The following PROM1 variants were observed in gnomAD, a reference collection of about 807,000 sequenced individuals.
The protein encoded by PROM1 is prominin-1.
PROM1 carries 105 observed loss-of-function variants against 116.9 expected under a neutral mutation model. The observed-to-expected ratio is 0.90, with a 90% CI of 0.77 to 1.06. The LOEUF is 1.06. Among genes scored for constraint, PROM1 ranks in the 50% least tolerant of loss-of-function variants. The pLI, the probability that PROM1 is intolerant of heterozygous loss-of-function variation, is 0.00. For synonymous variants in PROM1, 393 were observed against 387.0 expected (o/e 1.02, Z -0.18); for missense variants, 1,122 against 1,045.2 (o/e 1.07, Z -1.01).
chr4:15,994,724 T>G (rs1449081528), intron 15 of PROM1, among the ~76,000 whole-genome samples: 1 of 152,226 alleles, frequency 6.6e-6, no homozygotes, highest in Non-Finnish European at 1.5e-5. Flanking sequence ...TAGGCCTCAT[T>G]GGATGTGTAT....
intron 2 of PROM1, among the ~76,000 whole-genome samples, chr4:16,040,442 GA>G (rs1417257410): frequency 6.6e-6 from 1 of 152,248 alleles, no homozygotes; most frequent in African/African-American, 2.4e-5. Flanking sequence ...CTGTTTTACA[GA>G]TCAGGCTTTA....
chr4:15,970,138 T>C (rs1369708818), intron 27 of PROM1, among the ~76,000 whole-genome samples: 2 of 151,764 alleles, frequency 1.3e-5, no homozygotes, highest in Non-Finnish European at 2.9e-5. Context: ...GCTTATTGTT[T>C]TACTCTAAAA....
intron 23 of PROM1, 143 bp downstream of exon 23, chr4:15,984,120 C>T (rs1055547649): frequency 1.0e-5 from 7 of 669,392 alleles, no homozygotes; most frequent in Non-Finnish European, 1.7e-5. Flanking sequence ...CTATTAGCAT[C>T]TCAATACACT....
intron 24 of PROM1, 119 bp downstream of exon 24, chr4:15,980,303 T>TAAAA (rs58036643): frequency 5.9e-5 from 36 of 610,212 alleles, no homozygotes; most frequent in South Asian, 1.2e-4. Context: ...CAACTACTAC[T>TAAAA]AAAAAAAAAA....
At chr4:16,002,452 G>C (rs745488870) in intron 13 of PROM1, among the ~76,000 whole-genome samples, 2 of 152,152 alleles carry the variant, frequency 1.3e-5, no homozygotes, top group Non-Finnish European at 2.9e-5. Context: ...CACTAGGAAG[G>C]AGCCTCAGAA....
chr4:16,041,706 C>T (rs987173510), intron 2 of PROM1, among the ~76,000 whole-genome samples: 1 of 151,060 alleles, frequency 6.6e-6, no homozygotes, highest in Non-Finnish European at 1.5e-5. Context: ...CACAGTTATG[C>T]CACTGCACTC....
intron 13 of PROM1, among the ~76,000 whole-genome samples, chr4:16,005,597 A>G (rs958878965): frequency 6.6e-6 from 1 of 151,854 alleles, no homozygotes; most frequent in Non-Finnish European, 1.5e-5. Flanking sequence ...AAATTAATGT[A>G]CAGCATCTGC....
Position 16,035,744 on chromosome 4 carries a change from T to C in PROM1, c.294A>G (p.Leu98=). Residue 98 remains leucine, a synonymous_variant, in exon 4 of 28, where the codon TTA becomes TTG. Transcript: ENST00000447510. ...IDYDKPETVI[L]GLKIVYYEAG... ...CAGACAAGGACTTTACCTTTAGACC[T>C]AAGATTACAGTTTCTGGCTGTAGAA... 1 of 1,613,532 alleles carries C rather than the reference T, an allele frequency of 6.2e-7. No individual in the cohort carries two copies. The highest frequency in any genetic ancestry group is 8.5e-7 in the Non-Finnish European group (1 of 1,179,536).
intron 26 of PROM1, among the ~76,000 whole-genome samples, chr4:15,974,300 G>GA (rs538545557): frequency 8.8e-4 from 131 of 148,844 alleles, no homozygotes; most frequent in Non-Finnish European, 1.3e-3. Context: ...AGCATCGTTG[G>GA]AAAAAAAAAA....
intron 1 of PROM1, chr4:16,082,595 G>C (rs1745244970): frequency 6.6e-6 from 1 of 152,244 alleles, no homozygotes; most frequent in African/African-American, 2.4e-5. Flanking sequence ...GCGAGCTGCG[G>C]GACACAAAAG....
chr4:16,020,743 A>G (rs1729646590), intron 8 of PROM1, among the ~76,000 whole-genome samples: 1 of 152,246 alleles, frequency 6.6e-6, no homozygotes, highest in South Asian at 2.1e-4. Flanking sequence ...AGCACTGTTC[A>G]TAGCCATTCT....
chr4:16,043,201 C>CT (rs1735741926), intron 2 of PROM1, among the ~76,000 whole-genome samples: 2 of 152,160 alleles, frequency 1.3e-5, no homozygotes, highest in Non-Finnish European at 2.9e-5. Flanking sequence ...TGGTCTGAGC[C>CT]AAGTAACATA....
At position 15,982,142 on chromosome 4, in the gene PROM1, C is replaced by T. The variant is rs575933459; in HGVS notation, c.2374-1605G>A. ...AAATCTACAACCTGCCAACTTCCTA[C>T]GTAAGTTCGAGTCTGACAATATCCC... is the stretch of plus-strand genomic sequence containing the variant. On this transcript the variant is annotated intron_variant, in intron 23 of 27. Transcript: ENST00000447510. Among the ~76,000 whole-genome samples, 5 of 152,352 alleles carry T rather than the reference C, an allele frequency of 3.3e-5. No individual in the cohort carries two copies. In the South Asian group the frequency reaches 8.3e-4, roughly 25 times the overall value.
intron 24 of PROM1, 111 bp downstream of exon 24, chr4:15,980,311 A>AG (rs1443723065): frequency 2.3e-6 from 2 of 859,732 alleles, no homozygotes; most frequent in East Asian, 5.3e-5. Context: ...ACTAAAAAAA[A>AG]AAAAAAAAAG....
intron 13 of PROM1, among the ~76,000 whole-genome samples, chr4:16,005,316 G>A (rs1725136020): frequency 6.6e-6 from 1 of 152,116 alleles, no homozygotes; most frequent in Non-Finnish European, 1.5e-5. Context: ...TGTTTGTGTG[G>A]AGTTCTTTGT....
intron 2 of PROM1, among the ~76,000 whole-genome samples, chr4:16,041,763 TAA>T (rs1560553467): frequency 0.011 from 677 of 59,804 alleles, 4 homozygotes; most frequent in Admixed American, 0.018. Context: ...AATAAATAAA[TAA>T]ATAAATAAAT....
At chr4:16,048,307 T>G (rs890081003) in intron 2 of PROM1, among the ~76,000 whole-genome samples, 12 of 152,270 alleles carry the variant, frequency 7.9e-5, no homozygotes, top group African/African-American at 2.4e-4. Flanking sequence ...TGTGGCTGAG[T>G]TGCACCTGTC....
chr4:16,021,912 T>C (rs1229779152), intron 8 of PROM1, among the ~76,000 whole-genome samples: 2 of 152,030 alleles, frequency 1.3e-5, no homozygotes, highest in African/African-American at 4.8e-5. Flanking sequence ...GATGTGAAGT[T>C]TAGGGAGGTA....
intron 26 of PROM1, among the ~76,000 whole-genome samples, chr4:15,974,367 A>G (rs1715529382): frequency 2.0e-5 from 3 of 152,356 alleles, no homozygotes; most frequent in African/African-American, 7.2e-5. Context: ...AAACAAAAGC[A>G]AACAGCCACA....
Sources: gnomAD v4.1 joint callset for allele counts (sites outside exome capture counted in the v4.1 genomes callset) on GRCh38, gnomAD v4.1.1 for gene constraint, MANE v1.5 for transcripts, NCBI Gene and HGNC (gene_info 2026-07-23, HGNC 2026-07-21) for gene names.